Variants in GRM8 observed in about 807,000 individuals in gnomAD.
GRM8 encodes the protein glutamate metabotropic receptor 8.
GRM8 carries 47 observed loss-of-function variants against 87.2 expected under a neutral mutation model. The ratio of observed to expected loss-of-function variants is 0.54; its 90% CI spans 0.43 to 0.69. The LOEUF (loss-of-function observed/expected upper bound fraction) is 0.69, where lower values mean the gene tolerates loss of function less well. Ranked by LOEUF, GRM8 falls within the 30% of genes least tolerant of loss-of-function variation. The probability of loss-of-function intolerance (pLI) is 0.00; values close to 1 mark genes in which losing one functional copy is unlikely to be tolerated. For synonymous variants in GRM8, 396 were observed against 404.5 expected (o/e 0.98, Z 0.25); for missense variants, 1,019 against 1,139.2 (o/e 0.89, Z 1.52).
chr7:126,564,959 C>T (rs2150969413), intron 8 of GRM8, among the ~76,000 whole-genome samples: 1 of 152,166 alleles, frequency 6.6e-6, no homozygotes, highest in Middle Eastern at 3.4e-3. Flanking sequence ...GATAAAAATT[C>T]CATAATCATC....
intron 2 of GRM8, among the ~76,000 whole-genome samples, chr7:127,162,765 G>C (rs527337727): frequency 1.3e-5 from 2 of 152,252 alleles, no homozygotes; most frequent in South Asian, 4.1e-4. Context: ...ACAGCAAAGC[G>C]AAACAAGTTT....
intron 3 of GRM8, among the ~76,000 whole-genome samples, chr7:127,059,270 A>G (rs555674995): frequency 6.6e-6 from 1 of 152,236 alleles, no homozygotes; most frequent in African/African-American, 2.4e-5. Flanking sequence ...TATTAGACTA[A>G]ATCCGTCATT....
At chr7:127,060,770 A>G (rs1036023726) in intron 3 of GRM8, among the ~76,000 whole-genome samples, 7 of 152,030 alleles carry the variant, frequency 4.6e-5, no homozygotes, top group African/African-American at 1.7e-4. Flanking sequence ...ATATTAATGT[A>G]CTTTTCATCT....
chr7:127,170,217 G>A (rs1307528347), intron 2 of GRM8, among the ~76,000 whole-genome samples: 1 of 152,022 alleles, frequency 6.6e-6, no homozygotes, highest in African/African-American at 2.4e-5. Context: ...TATACAAACG[G>A]CCAACAAACA....
chr7:127,082,621 T>G (rs1350798479), intron 3 of GRM8, among the ~76,000 whole-genome samples: 1 of 152,252 alleles, frequency 6.6e-6, no homozygotes, highest in Non-Finnish European at 1.5e-5. Flanking sequence ...ATCCCTATTA[T>G]GACATAAATC....
chr7:126,904,491 G>T (rs188562838), intron 4 of GRM8, 57 bp downstream of exon 4: 5 of 1,508,646 alleles, frequency 3.3e-6, no homozygotes, highest in Admixed American at 1.7e-5. Context: ...AAATATGTTA[G>T]AAAGAGGATA....
At chr7:126,478,722 C>T (rs66463489) in intron 9 of GRM8, among the ~76,000 whole-genome samples, 46,858 of 151,798 alleles carry the variant, frequency 0.31, 8,068 homozygotes, top group Non-Finnish European at 0.37. Flanking sequence ...TAGAAAGTAT[C>T]AGGGCTTTGG....
At chr7:126,633,588 A>G (rs1006217624) in intron 7 of GRM8, among the ~76,000 whole-genome samples, 9 of 152,190 alleles carry the variant, frequency 5.9e-5, no homozygotes, top group Admixed American at 1.3e-4. Context: ...AGTTTTCATG[A>G]CACTGATATT....
intron 6 of GRM8, among the ~76,000 whole-genome samples, chr7:126,840,519 G>A (rs1469434780): frequency 6.6e-6 from 1 of 151,754 alleles, no homozygotes; most frequent in Non-Finnish European, 1.5e-5. Flanking sequence ...TCATTATATT[G>A]TTATCATAAC....
intron 3 of GRM8, chr7:127,075,899 A>T: frequency 4.2e-6 from 1 of 235,508 alleles, no homozygotes; most frequent in South Asian, 5.3e-5. Context: ...AGTTAGGCGA[A>T]TGACTCCCTA....
intron 9 of GRM8, among the ~76,000 whole-genome samples, chr7:126,477,589 A>AAGAG (rs1057113258): frequency 3.5e-5 from 3 of 86,050 alleles, no homozygotes; most frequent in African/African-American, 1.7e-4. Flanking sequence ...GAGAGAAAGA[A>AAGAG]AGAAAGAAAG....
At chr7:126,992,894 C>T (rs1425645905) in intron 3 of GRM8, among the ~76,000 whole-genome samples, 1 of 151,814 alleles carries the variant, frequency 6.6e-6, no homozygotes, top group East Asian at 1.9e-4. Context: ...AGATGGTGGC[C>T]ACCTGCAAGC....
chr7:126,672,270 G>A (rs1806463802), intron 7 of GRM8, among the ~76,000 whole-genome samples: 1 of 152,170 alleles, frequency 6.6e-6, no homozygotes, highest in Non-Finnish European at 1.5e-5. Flanking sequence ...ATCTGCCGAG[G>A]TCACTGGACC....
At chr7:126,788,816 A>G (rs1413941993) in intron 6 of GRM8, among the ~76,000 whole-genome samples, 4 of 150,038 alleles carry the variant, frequency 2.7e-5, no homozygotes, top group Admixed American at 6.6e-5. Context: ...CAGAGACAGA[A>G]AAAAAAAAAG....
At position 127,046,883 on chromosome 7, in the gene GRM8, A is replaced by G. The variant is rs559663142; in HGVS notation, c.727+59613T>C. Among the ~76,000 whole-genome samples, 27 of 152,214 alleles carry G rather than the reference A, an allele frequency of 1.8e-4. No homozygotes were observed. The South Asian group carries it at 5.4e-3, about 30-fold the overall frequency. On this transcript the variant is annotated intron_variant, in intron 3 of 10. Coordinates refer to ENST00000339582, the MANE Select transcript of GRM8 (RefSeq NM_000845.3). ...ACTCTCTTTAAAAGACATATTCTAAAATTTTCACCTTTACTATTTATGTTT... is the reference window on the plus strand; with the variant it reads ...ACTCTCTTTAAAAGACATATTCTAAGATTTTCACCTTTACTATTTATGTTT...
At chr7:127,167,210 A>G (rs1490536094) in intron 2 of GRM8, among the ~76,000 whole-genome samples, 1 of 152,188 alleles carries the variant, frequency 6.6e-6, no homozygotes, top group African/African-American at 2.4e-5. Context: ...TAAAGTTTTA[A>G]TAATGAAACT....
chr7:126,782,970 C>T (rs1412185607), intron 6 of GRM8, among the ~76,000 whole-genome samples: 2 of 152,090 alleles, frequency 1.3e-5, no homozygotes, highest in Non-Finnish European at 2.9e-5. Context: ...GGACAGGGAC[C>T]AGACAAGATG....
intron 3 of GRM8, among the ~76,000 whole-genome samples, chr7:126,953,746 A>C (rs1225187275): frequency 6.6e-6 from 1 of 152,184 alleles, no homozygotes; most frequent in Admixed American, 6.5e-5. Context: ...AAGGGAATGA[A>C]GCCTCCAAGC....
At chr7:126,975,005 C>G (rs1810840015) in intron 3 of GRM8, among the ~76,000 whole-genome samples, 1 of 141,158 alleles carries the variant, frequency 7.1e-6, no homozygotes, top group Non-Finnish European at 1.5e-5. Context: ...GCAAGTGGGA[C>G]TCAAAGTTCA....
Sources: allele counts gnomAD v4.1 joint callset (sites outside exome capture counted in the v4.1 genomes callset), GRCh38; gene constraint gnomAD v4.1.1; transcripts MANE v1.5; gene names NCBI Gene and HGNC (gene_info 2026-07-23, HGNC 2026-07-21).